Variants in CLASP2 observed in about 807,000 individuals in gnomAD.
The protein encoded by CLASP2 is cytoplasmic linker associated protein 2, also known as CLIP-associating protein 2.
In CLASP2, 47 loss-of-function variants were observed where a neutral mutation model predicts 194.4. The ratio of observed to expected loss-of-function variants is 0.24; its 90% CI spans 0.19 to 0.31. The LOEUF is 0.31. Among genes scored for constraint, CLASP2 ranks in the 10% least tolerant of loss-of-function variants. The pLI is 1.00. For missense variants in CLASP2, 1,445 were observed against 1,823.6 expected, an observed-to-expected ratio of 0.79 and a Z score of 3.78; for synonymous variants, 619 against 633.5, an observed-to-expected ratio of 0.98 and a Z score of 0.34.
intron 30 of CLASP2, among the ~76,000 whole-genome samples, chr3:33,548,907 A>G (rs545379828): frequency 6.6e-6 from 1 of 151,258 alleles, no homozygotes; most frequent in South Asian, 2.1e-4. Context: ...ATCTGGGACT[A>G]CAGGCATGCA....
intron 30 of CLASP2, among the ~76,000 whole-genome samples, chr3:33,548,763 CTTTTTTT>C (rs57112524): frequency 8.9e-4 from 83 of 93,110 alleles, no homozygotes; most frequent in South Asian, 1.9e-3. Flanking sequence ...GGTTTCATTT[CTTTTTTT>C]TTTTTTTTTT....
At chr3:33,629,773 T>C (rs1406431590) in intron 9 of CLASP2, among the ~76,000 whole-genome samples, 1 of 149,442 alleles carries the variant, frequency 6.7e-6, no homozygotes, top group Non-Finnish European at 1.5e-5. Flanking sequence ...TAAAAAAAAA[T>C]CATTGCTTAA....
intron 9 of CLASP2, among the ~76,000 whole-genome samples, chr3:33,628,040 T>C (rs1182226929): frequency 2.0e-5 from 3 of 152,196 alleles, no homozygotes; most frequent in East Asian, 3.9e-4. Flanking sequence ...GCAGAGGAAT[T>C]AGAAATGAGA....
chr3:33,574,565 G>C (rs2154196919), intron 24 of CLASP2: 1 of 887,364 alleles, frequency 1.1e-6, no homozygotes, highest in East Asian at 2.7e-5. Context: ...TCAGCACAGT[G>C]AAATAGGCAT....
chr3:33,589,247 C>A (rs886626758), intron 21 of CLASP2, among the ~76,000 whole-genome samples: 1 of 151,972 alleles, frequency 6.6e-6, no homozygotes, highest in African/African-American at 2.4e-5. Flanking sequence ...CCAGCCACTA[C>A]CAACAGAAAA....
At chr3:33,571,046 C>T (rs1473638673) in intron 25 of CLASP2, among the ~76,000 whole-genome samples, 10 of 108,268 alleles carry the variant, frequency 9.2e-5, no homozygotes, top group Non-Finnish European at 1.4e-4. Flanking sequence ...GACGGAGTCT[C>T]GCTGTCGCCC....
chr3:33,581,303 T>C (rs2066087488), intron 23 of CLASP2, among the ~76,000 whole-genome samples: 1 of 152,178 alleles, frequency 6.6e-6, no homozygotes, highest in Non-Finnish European at 1.5e-5. Flanking sequence ...ACAAGAGCAT[T>C]AGCTCATAGG....
chr3:33,581,010 C>T lies in CLASP2; in HGVS notation c.2347+811G>A, dbSNP rs532935844. 3.3e-4 allele frequency among the ~76,000 whole-genome samples: 32 copies of T among 96,910 alleles called. No homozygotes were observed. In the Admixed American group the frequency reaches 4.2e-3, roughly 13 times the overall value. The allele number at this position is 96,910 out of a possible 152,430, so 63.6% of individuals were successfully genotyped here. A position where few individuals can be genotyped will look rare whatever the true frequency, so the allele number is the denominator to read the frequency against. Reference sequence around the variant, plus strand: ...CAGTCTGGGTGACAGAGCGAGACTCCGTCTCAAAAAAAAAAAAAAAAGAAA... The same window carrying T: ...CAGTCTGGGTGACAGAGCGAGACTCTGTCTCAAAAAAAAAAAAAAAAGAAA... On this transcript the variant is annotated intron_variant, in intron 23 of 38. Coordinates refer to ENST00000682230, the MANE Select transcript of CLASP2 (RefSeq NM_001365631.1).
intron 21 of CLASP2, among the ~76,000 whole-genome samples, chr3:33,585,990 G>A (rs1424218406): frequency 6.6e-6 from 1 of 151,890 alleles, no homozygotes; most frequent in East Asian, 1.9e-4. Flanking sequence ...GACAAAATTG[G>A]GCCAGCTGAA....
chr3:33,539,687 TATGGCTGTTTTCTATTTCTATTGTTG>T (rs1191936971), intron 32 of CLASP2, among the ~76,000 whole-genome samples: 1 of 152,136 alleles, frequency 6.6e-6, no homozygotes, highest in African/African-American at 2.4e-5. Context: ...AGGTATTGTC[TATGGCTGTTTTCTATTTCTATTGTTG>T]ATGGCTGTTT....
chr3:33,701,863 C>T (rs1476653581), intron 1 of CLASP2, among the ~76,000 whole-genome samples: 2 of 151,934 alleles, frequency 1.3e-5, no homozygotes, highest in Non-Finnish European at 2.9e-5. Flanking sequence ...TATAAAACTA[C>T]TAGAAGAAAA....
chr3:33,510,516 A>C (rs759569354), intron 37 of CLASP2, 42 bp downstream of exon 37: 1 of 1,576,682 alleles, frequency 6.3e-7, no homozygotes, highest in South Asian at 1.1e-5. Flanking sequence ...ACTGTATCCC[A>C]AATGTATCAT....
chr3:33,707,861 A>G (rs1457832143), intron 1 of CLASP2, among the ~76,000 whole-genome samples: 1 of 152,226 alleles, frequency 6.6e-6, no homozygotes, highest in African/African-American at 2.4e-5. Flanking sequence ...GGGAAACATT[A>G]AAAGAGACTT....
At chr3:33,634,872 G>T (rs181287195) in intron 8 of CLASP2, among the ~76,000 whole-genome samples, 87 of 152,082 alleles carry the variant, frequency 5.7e-4, no homozygotes, top group Non-Finnish European at 6.3e-4. Context: ...TACAAAAATC[G>T]ATTTCATTGC....
intron 29 of CLASP2, among the ~76,000 whole-genome samples, chr3:33,557,703 A>C (rs1176666152): frequency 2.0e-5 from 3 of 152,238 alleles, no homozygotes; most frequent in African/African-American, 7.2e-5. Flanking sequence ...AAATGAGTTA[A>C]AAAATATCTA....
intron 12 of CLASP2, among the ~76,000 whole-genome samples, chr3:33,619,106 G>C (rs2076692607): frequency 6.6e-6 from 1 of 152,170 alleles, no homozygotes; most frequent in Non-Finnish European, 1.5e-5. Context: ...CTCTAGGATA[G>C]AGTAACACAA....
rs190148875 is a variant in CLASP2, at chr3:33,658,861, C to A, written c.715+4584G>T. 9.3e-6 allele frequency: 9 copies of A among 965,814 alleles called. No individual in the cohort carries two copies. The African/African-American group carries it at 1.3e-4, about 14-fold the overall frequency. 59.8% of individuals were successfully genotyped at this position (965,814 alleles called of 1,614,324 possible). On this transcript the variant is annotated intron_variant, in intron 7 of 38. Coordinates refer to ENST00000682230, the MANE Select transcript of CLASP2 (RefSeq NM_001365631.1). ...ACAAGTGTACACACATGCATAAACACACAAGTGTCCTTCATTCTTTAGGGA... is the reference window on the plus strand; with the variant it reads ...ACAAGTGTACACACATGCATAAACAAACAAGTGTCCTTCATTCTTTAGGGA...
At chr3:33,520,413 G>A (rs2052660667) in intron 34 of CLASP2, among the ~76,000 whole-genome samples, 1 of 152,204 alleles carries the variant, frequency 6.6e-6, no homozygotes, top group African/African-American at 2.4e-5. Flanking sequence ...TTAGTACACA[G>A]ATTCCCAAAC....
At chr3:33,674,468 C>T (rs1174603887) in intron 6 of CLASP2, among the ~76,000 whole-genome samples, 14 of 149,980 alleles carry the variant, frequency 9.3e-5, no homozygotes, top group Admixed American at 5.3e-4. Flanking sequence ...ATATAAATGC[C>T]CACGAGAGAA....
Sources: allele counts gnomAD v4.1 joint callset (sites outside exome capture counted in the v4.1 genomes callset), GRCh38; gene constraint gnomAD v4.1.1; transcripts MANE v1.5; gene names NCBI Gene and HGNC (gene_info 2026-07-23, HGNC 2026-07-21).